CNTN3: variants seen among roughly 807,000 people sequenced by gnomAD.
The protein encoded by CNTN3 is contactin-3.
In CNTN3, 60 loss-of-function variants were observed where a neutral mutation model predicts 119.1. That is an observed-to-expected ratio of 0.50 (90% CI 0.41 to 0.62). CNTN3 has a LOEUF of 0.62. CNTN3 is among the 20% of genes least tolerant of loss of function. The probability of loss-of-function intolerance (pLI) is 0.00; values close to 1 mark genes in which losing one functional copy is unlikely to be tolerated. For synonymous variants in CNTN3, 450 were observed against 438.7 expected, an observed-to-expected ratio of 1.03 and a Z score of -0.32; for missense variants, 1,101 against 1,242.4, an observed-to-expected ratio of 0.89 and a Z score of 1.71.
intron 4 of CNTN3, among the ~76,000 whole-genome samples, chr3:74,475,253 T>C (rs1163551018): frequency 1.3e-5 from 2 of 152,124 alleles, no homozygotes; most frequent in Non-Finnish European, 2.9e-5. Flanking sequence ...AGAATTCTAG[T>C]TCCACAAATA....
At chr3:74,309,893 T>C (rs1197230536) in intron 13 of CNTN3, among the ~76,000 whole-genome samples, 1 of 152,200 alleles carries the variant, frequency 6.6e-6, no homozygotes, top group Non-Finnish European at 1.5e-5. Flanking sequence ...CAAGGCTCAT[T>C]TCCTTGACAT....
chr3:74,313,919 A>G (rs1466587407), intron 13 of CNTN3, among the ~76,000 whole-genome samples: 1 of 152,220 alleles, frequency 6.6e-6, no homozygotes, highest in African/African-American at 2.4e-5. Flanking sequence ...TTCCCCATTT[A>G]CTACAACAGC....
At chr3:74,272,931 G>A (rs955832744) in intron 20 of CNTN3, among the ~76,000 whole-genome samples, 1 of 151,918 alleles carries the variant, frequency 6.6e-6, no homozygotes, top group African/African-American at 2.4e-5. Context: ...ACATTGCTCA[G>A]ATAAAAAGCT....
At chr3:74,532,117 A>G (rs1703700837) in intron 1 of CNTN3, among the ~76,000 whole-genome samples, 1 of 152,044 alleles carries the variant, frequency 6.6e-6, no homozygotes, top group African/African-American at 2.4e-5. Context: ...TCAAGCCCAG[A>G]TTCAGTGGAG....
chr3:74,310,903 G>C (rs1300712965), intron 13 of CNTN3, among the ~76,000 whole-genome samples: 1 of 152,108 alleles, frequency 6.6e-6, no homozygotes, highest in Non-Finnish European at 1.5e-5. Context: ...TTGGGCAGCT[G>C]ACCTATATGG....
At chr3:74,614,356 C>T (rs1229322255) in intron 1 of CNTN3, among the ~76,000 whole-genome samples, 35 bp downstream of exon 1, 2 of 151,890 alleles carry the variant, frequency 1.3e-5, no homozygotes, top group East Asian at 1.9e-4. Flanking sequence ...CCCTGTGGCC[C>T]GGCCGGCGCC....
chr3:74,283,707 C>T lies in CNTN3; in HGVS notation c.2704+1598G>A, dbSNP rs757938740. 7.2e-4 allele frequency among the ~76,000 whole-genome samples: 110 copies of T among 152,206 alleles called. 1 individual carries two copies. Among genetic ancestry groups the T allele is most frequent in the African/African-American group, 2.5e-3 (104 of 41,532 alleles). Reference sequence around the variant, plus strand: ...TTGCAATCAGAATCTTTGATTGATGCTGTGTTTGGAATATATAAATAATGA... The same window carrying T: ...TTGCAATCAGAATCTTTGATTGATGTTGTGTTTGGAATATATAAATAATGA... On this transcript the variant is annotated intron_variant, in intron 20 of 22. Coordinates refer to ENST00000263665, the MANE Select transcript of CNTN3 (RefSeq NM_020872.3).
chr3:74,281,151 G>A (rs1701999396), intron 20 of CNTN3, among the ~76,000 whole-genome samples: 1 of 152,074 alleles, frequency 6.6e-6, no homozygotes, highest in African/African-American at 2.4e-5. Context: ...CATTTACCTG[G>A]AGTGGGATGG....
At chr3:74,557,911 G>A (rs1704095637) in intron 1 of CNTN3, among the ~76,000 whole-genome samples, 1 of 152,116 alleles carries the variant, frequency 6.6e-6, no homozygotes, top group Non-Finnish European at 1.5e-5. Flanking sequence ...TGAAGAAGCT[G>A]TTTCCAAACT....
chr3:74,284,897 G>T (rs11128381), intron 20 of CNTN3, among the ~76,000 whole-genome samples: 43,028 of 151,758 alleles, frequency 0.28, 6,572 homozygotes, highest in East Asian at 0.54. Context: ...TTGTATGATG[G>T]AGGAAAGAAA....
chr3:74,312,931 TAAAC>T (rs1180771825), intron 13 of CNTN3, among the ~76,000 whole-genome samples: 2 of 146,062 alleles, frequency 1.4e-5, no homozygotes, highest in South Asian at 2.2e-4. Flanking sequence ...AGTGAAAAAA[TAAAC>T]AAACATGTAA....
intron 3 of CNTN3, among the ~76,000 whole-genome samples, chr3:74,491,730 G>A (rs1415025159): frequency 6.6e-6 from 1 of 152,088 alleles, no homozygotes; most frequent in Admixed American, 6.6e-5. Context: ...GAAGCTTTTA[G>A]TAGTAAACAT....
At chr3:74,524,251 A>C (rs1031947248) in intron 1 of CNTN3, among the ~76,000 whole-genome samples, 2 of 151,930 alleles carry the variant, frequency 1.3e-5, no homozygotes, top group African/African-American at 4.8e-5. Context: ...TCATTCAGTA[A>C]AAATTTACTG....
At chr3:74,444,810 T>G (rs1213380231) in intron 4 of CNTN3, among the ~76,000 whole-genome samples, 1 of 152,178 alleles carries the variant, frequency 6.6e-6, no homozygotes, top group Non-Finnish European at 1.5e-5. Context: ...TTCTTCACTG[T>G]TCAATTAAAG....
intron 5 of CNTN3, among the ~76,000 whole-genome samples, chr3:74,401,241 A>C (rs1189421751): frequency 1.3e-5 from 2 of 152,178 alleles, no homozygotes; most frequent in African/African-American, 4.8e-5. Flanking sequence ...CTTGAAACTC[A>C]ATCACTCACA....
At chr3:74,368,093 A>G (rs1704242413) in intron 8 of CNTN3, among the ~76,000 whole-genome samples, 1 of 152,090 alleles carries the variant, frequency 6.6e-6, no homozygotes. Context: ...ACAAGATGGG[A>G]GAGTTACAAA....
intron 1 of CNTN3, among the ~76,000 whole-genome samples, chr3:74,576,687 A>T (rs2106660455): frequency 6.6e-6 from 1 of 152,214 alleles, no homozygotes; most frequent in Non-Finnish European, 1.5e-5. Flanking sequence ...TTGTAATTTT[A>T]AATTTATGGT....
intron 13 of CNTN3, among the ~76,000 whole-genome samples, chr3:74,333,612 G>A (rs1321507312): frequency 1.3e-5 from 2 of 152,072 alleles, no homozygotes; most frequent in Non-Finnish European, 2.9e-5. Context: ...TTTTAATCCA[G>A]GATGACCTCA....
chr3:74,514,679 A>G (rs757538912), intron 2 of CNTN3, among the ~76,000 whole-genome samples: 1 of 152,256 alleles, frequency 6.6e-6, no homozygotes, highest in East Asian at 1.9e-4. Context: ...TCTCTACTGC[A>G]TATAGTTCTT....
Sources: allele counts gnomAD v4.1 joint callset (sites outside exome capture counted in the v4.1 genomes callset), GRCh38; gene constraint gnomAD v4.1.1; transcripts MANE v1.5; gene names NCBI Gene and HGNC (gene_info 2026-07-23, HGNC 2026-07-21).